Variants in LRRC7 observed in about 807,000 individuals in gnomAD.
LRRC7 encodes the protein leucine-rich repeat-containing protein 7.
Under a neutral mutation model 175.7 loss-of-function variants are expected in LRRC7, and 23 were observed. The ratio of observed to expected loss-of-function variants is 0.13; its 90% CI spans 0.09 to 0.19. The LOEUF (loss-of-function observed/expected upper bound fraction) is 0.19, where lower values mean the gene tolerates loss of function less well. Among genes scored for constraint, LRRC7 ranks in the 10% least tolerant of loss-of-function variants. The pLI is 1.00. For missense variants in LRRC7, 1,354 were observed against 1,904.7 expected, an observed-to-expected ratio of 0.71 and a Z score of 5.38; for synonymous variants, 685 against 680.9, an observed-to-expected ratio of 1.01 and a Z score of -0.09.
intron 2 of LRRC7, among the ~76,000 whole-genome samples, chr1:69,737,036 C>T (rs529498528): frequency 6.6e-5 from 10 of 152,156 alleles, no homozygotes; most frequent in Admixed American, 2.0e-4. Context: ...CTTACACCTC[C>T]GATTGGTTTA....
At chr1:69,595,606 T>A (rs1646811024) in intron 1 of LRRC7, among the ~76,000 whole-genome samples, 1 of 149,772 alleles carries the variant, frequency 6.7e-6, no homozygotes, top group Non-Finnish European at 1.5e-5. Flanking sequence ...CTTTACAACC[T>A]TACTTTCCCT....
At chr1:69,711,433 C>A (rs1266705164) in intron 2 of LRRC7, among the ~76,000 whole-genome samples, 1 of 152,112 alleles carries the variant, frequency 6.6e-6, no homozygotes, top group Non-Finnish European at 1.5e-5. Context: ...AGTTCTTAGC[C>A]AATTCAATAT....
At chr1:69,814,469 C>T (rs778672046) in intron 4 of LRRC7, among the ~76,000 whole-genome samples, 4 of 152,116 alleles carry the variant, frequency 2.6e-5, no homozygotes, top group African/African-American at 4.8e-5. Flanking sequence ...AAGAGCCAGA[C>T]ATGATACTCA....
In LRRC7 at chr1:69,979,371, C is replaced by G. The variant is rs189901649; in HGVS notation, c.712-1008C>G. ...TTTTGATGTTGGCAGCAATAGCAAC[C>G]TCTATTCTCTCTATACAGTCTGCTG... On this transcript the variant is annotated intron_variant, in intron 8 of 26. Transcript: ENST00000651989. Among the ~76,000 whole-genome samples, 24 of 152,300 alleles carry G rather than the reference C, an allele frequency of 1.6e-4. No individual in the cohort carries two copies. In the East Asian group the frequency reaches 2.5e-3, roughly 16 times the overall value.
intron 7 of LRRC7, chr1:69,879,744 G>C (rs1474857544): frequency 1.3e-5 from 2 of 152,288 alleles, no homozygotes; most frequent in African/African-American, 4.8e-5. Context: ...CTGGAGCGGG[G>C]ACCACTCGGT....
chr1:69,817,657 T>C (rs1678757502), intron 4 of LRRC7, among the ~76,000 whole-genome samples: 1 of 152,156 alleles, frequency 6.6e-6, no homozygotes, highest in African/African-American at 2.4e-5. Flanking sequence ...TTTTTCTATT[T>C]CTGTAAAAAA....
At chr1:69,787,148 A>G (rs1674538107) in intron 3 of LRRC7, among the ~76,000 whole-genome samples, 1 of 152,130 alleles carries the variant, frequency 6.6e-6, no homozygotes, top group Non-Finnish European at 1.5e-5. Flanking sequence ...ATCTCCTTTG[A>G]CTCCATGTCT....
intron 2 of LRRC7, among the ~76,000 whole-genome samples, chr1:69,736,791 G>A (rs116418233): frequency 0.017 from 2,547 of 152,122 alleles, 71 homozygotes; most frequent in African/African-American, 0.059. Flanking sequence ...CTCACAGTAG[G>A]CCCTTGCCTA....
At chr1:70,035,647 AT>A (rs1298367647) in intron 18 of LRRC7, among the ~76,000 whole-genome samples, 9 of 151,492 alleles carry the variant, frequency 5.9e-5, no homozygotes, top group East Asian at 1.9e-4. Flanking sequence ...AAAAAAAAAA[AT>A]CTTAATTGGT....
chr1:69,722,824 C>T (rs1666507310), intron 2 of LRRC7, among the ~76,000 whole-genome samples: 1 of 151,892 alleles, frequency 6.6e-6, no homozygotes. Flanking sequence ...TTTGTAACTA[C>T]TCTTTGTATG....
At chr1:69,947,976 T>C (rs185504654) in intron 8 of LRRC7, among the ~76,000 whole-genome samples, 25 of 152,254 alleles carry the variant, frequency 1.6e-4, no homozygotes, top group African/African-American at 5.8e-4. Context: ...CTAACTCTTC[T>C]TGTGATCTGT....
intron 1 of LRRC7, among the ~76,000 whole-genome samples, chr1:69,647,772 C>T (rs1655210377): frequency 6.6e-6 from 1 of 152,048 alleles, no homozygotes; most frequent in Non-Finnish European, 1.5e-5. Context: ...TAATATTTCT[C>T]TCATATTTTC....
chr1:69,718,142 G>GAGAGAGAAAGAAAGAAAGAA (rs397763816), intron 2 of LRRC7, among the ~76,000 whole-genome samples: 1 of 73,716 alleles, frequency 1.4e-5, no homozygotes, highest in Non-Finnish European at 2.4e-5. Context: ...AAGAAAGAGA[G>GAGAGAGAAAGAAAGAAAGAA]AGAAAGAAAG....
chr1:69,697,483 A>G (rs557969056), intron 2 of LRRC7, among the ~76,000 whole-genome samples: 4 of 152,224 alleles, frequency 2.6e-5, no homozygotes, highest in Non-Finnish European at 5.9e-5. Context: ...AAACCATAAT[A>G]AGTGTTCTCT....
intron 8 of LRRC7, among the ~76,000 whole-genome samples, chr1:69,974,320 G>A (rs1191582879): frequency 6.6e-6 from 1 of 152,034 alleles, no homozygotes; most frequent in Admixed American, 6.5e-5. Flanking sequence ...TTTTTACGTT[G>A]ATTTTTCTAT....
intron 2 of LRRC7, among the ~76,000 whole-genome samples, chr1:69,745,985 C>A (rs566229896): frequency 3.5e-4 from 53 of 151,560 alleles, no homozygotes; most frequent in African/African-American, 1.0e-3. Flanking sequence ...CTAAATAGTT[C>A]TTTCAGTACT....
In LRRC7 at chr1:69,895,808, A is replaced by G. The variant is rs116577023; in HGVS notation, c.648-35699A>G. On this transcript the variant is annotated intron_variant, in intron 7 of 26. Coordinates refer to ENST00000651989, the MANE Select transcript of LRRC7 (RefSeq NM_001370785.2). Reference sequence around the variant, plus strand: ...TAATATTCCATTGTAGAAATATTCCATGGCTGTTTATTCTTTCACCTAGTG... The same window carrying G: ...TAATATTCCATTGTAGAAATATTCCGTGGCTGTTTATTCTTTCACCTAGTG... Among the ~76,000 whole-genome samples the G allele has an allele frequency of 5.1e-3, 771 of 152,282 alleles. 3 individuals carry two copies. The highest frequency in any genetic ancestry group is 0.027 in the Middle Eastern group (8 of 294).
intron 12 of LRRC7, among the ~76,000 whole-genome samples, chr1:70,012,541 T>C (rs1656603574): frequency 6.6e-6 from 1 of 151,746 alleles, no homozygotes; most frequent in South Asian, 2.1e-4. Flanking sequence ...CCAAAACATA[T>C]TATTAAAAAT....
In LRRC7 at chr1:70,140,273, A is replaced by C. The variant is rs776697324; in HGVS notation, c.*18386A>C. On this transcript the variant is annotated 3_prime_UTR_variant, in exon 27 of 27. Transcript: ENST00000651989. ...CAAGCTTAACCTCATCAGGAGTGGA[A>C]TTAGATTTTACAAAGTTCCCCTTAT... The C allele has an allele frequency of 2.0e-5, 3 of 152,134 alleles. No individual in the cohort carries two copies. Among genetic ancestry groups the C allele is most frequent in the Non-Finnish European group, 4.4e-5 (3 of 68,020 alleles). The allele number at this position is 152,134 out of a possible 1,614,324, so 9.4% of individuals were successfully genotyped here.
Sources: gnomAD v4.1 joint callset for allele counts (sites outside exome capture counted in the v4.1 genomes callset) on GRCh38, gnomAD v4.1.1 for gene constraint, MANE v1.5 for transcripts, NCBI Gene and HGNC (gene_info 2026-07-23, HGNC 2026-07-21) for gene names.